Variants in TENM3 observed in about 807,000 individuals in gnomAD.
TENM3 encodes teneurin-3.
Under a neutral mutation model 255.1 loss-of-function variants are expected in TENM3, and 63 were observed. The observed-to-expected ratio is 0.25, with a 90% CI of 0.20 to 0.30. The LOEUF (loss-of-function observed/expected upper bound fraction) is 0.30, where lower values mean the gene tolerates loss of function less well. TENM3 is among the 10% of genes least tolerant of loss of function. The pLI is 1.00. For synonymous variants in TENM3, 1,306 were observed against 1,322.3 expected (o/e 0.99, Z 0.27); for missense variants, 2,929 against 3,461.1 (o/e 0.85, Z 3.86).
chr4:182,047,736 C>T, the TENM3 span, among the ~76,000 whole-genome samples: 1 of 152,016 alleles, frequency 6.6e-6, no homozygotes, highest in Non-Finnish European at 1.5e-5. Context: ...TCTTGGGTTT[C>T]AGCATCGTAT....
chr4:182,733,723 G>T (rs1396486944), intron 16 of TENM3, among the ~76,000 whole-genome samples: 3 of 152,132 alleles, frequency 2.0e-5, no homozygotes, highest in Non-Finnish European at 4.4e-5. Context: ...AACACCTCAG[G>T]GATTCATTGT....
the TENM3 span, among the ~76,000 whole-genome samples, chr4:181,913,412 C>T: frequency 7.0e-3 from 1,068 of 152,218 alleles, 10 homozygotes; most frequent in African/African-American, 0.024. Context: ...TTGCATCTTG[C>T]GGATGGAGCA....
At chr4:181,454,643 C>T in the TENM3 span, among the ~76,000 whole-genome samples, 1 of 51,330 alleles carries the variant, frequency 1.9e-5, no homozygotes, top group East Asian at 7.6e-4. Flanking sequence ...CCATTTTTTT[C>T]TGGTGTGCCT....
the TENM3 span, among the ~76,000 whole-genome samples, chr4:182,017,289 G>T: frequency 1.8e-4 from 28 of 152,370 alleles, 1 homozygote; most frequent in East Asian, 5.2e-3. Context: ...AATGCAGGAA[G>T]TTTGGTGAAG....
the TENM3 span, among the ~76,000 whole-genome samples, chr4:181,761,153 A>C: frequency 6.6e-6 from 1 of 152,060 alleles, no homozygotes; most frequent in Admixed American, 6.6e-5. Flanking sequence ...GGTTTTATTG[A>C]TCTTTTTATT....
At chr4:182,502,548 T>G (rs1736419582) in intron 3 of TENM3, among the ~76,000 whole-genome samples, 1 of 152,162 alleles carries the variant, frequency 6.6e-6, no homozygotes, top group Non-Finnish European at 1.5e-5. Flanking sequence ...ACTCATCTTT[T>G]GTTTCTGATT....
At chr4:181,728,169 C>A in the TENM3 span, among the ~76,000 whole-genome samples, 1 of 152,068 alleles carries the variant, frequency 6.6e-6, no homozygotes, top group African/African-American at 2.4e-5. Flanking sequence ...TTATTTCTAC[C>A]TGATATTAAT....
chr4:181,616,379 T>A, the TENM3 span, among the ~76,000 whole-genome samples: 1 of 146,266 alleles, frequency 6.8e-6, no homozygotes, highest in African/African-American at 2.5e-5. Context: ...GATATATATA[T>A]ATATCAATAG....
In TENM3 at chr4:182,628,596, G is replaced by T. The variant is rs1203653947; in HGVS notation, c.750-55G>T. The T allele has an allele frequency of 2.5e-6, 3 of 1,195,760 alleles. No individual in the cohort carries two copies. In the African/African-American group the frequency reaches 4.5e-5, roughly 18 times the overall value. The allele number at this position is 1,195,760 out of a possible 1,614,324, so 74.1% of individuals were successfully genotyped here. On this transcript the variant is annotated intron_variant, in intron 4 of 27. Coordinates refer to ENST00000511685, the MANE Select transcript of TENM3 (RefSeq NM_001080477.4). ...AGAGCTAAATGCATCGCTGTCTCTTGTCTCTTGTATCGTAACATATTTGTA... is the reference window on the plus strand; with the variant it reads ...AGAGCTAAATGCATCGCTGTCTCTTTTCTCTTGTATCGTAACATATTTGTA...
At chr4:181,796,988 A>G in the TENM3 span, among the ~76,000 whole-genome samples, 1 of 152,076 alleles carries the variant, frequency 6.6e-6, no homozygotes, top group South Asian at 2.1e-4. Flanking sequence ...GGGTGAGTTT[A>G]TTTCAGACGG....
chr4:182,590,753 G>A (rs1478325117), intron 3 of TENM3, among the ~76,000 whole-genome samples: 1 of 143,066 alleles, frequency 7.0e-6, no homozygotes, highest in Non-Finnish European at 1.6e-5. Flanking sequence ...TACTCGGGGG[G>A]CAGGAGAATC....
At chr4:182,452,115 T>C (rs1773511032) in intron 3 of TENM3, among the ~76,000 whole-genome samples, 1 of 152,290 alleles carries the variant, frequency 6.6e-6, no homozygotes, top group Non-Finnish European at 1.5e-5. Flanking sequence ...TACAGACATA[T>C]GTAGTTTAGA....
At chr4:182,231,657 TC>T (rs1248359590) in intron 1 of TENM3, among the ~76,000 whole-genome samples, 1 of 152,196 alleles carries the variant, frequency 6.6e-6, no homozygotes, top group Non-Finnish European at 1.5e-5. Context: ...CTCAGCTGTT[TC>T]AGGAGTGCCT....
chr4:181,501,272 T>C, the TENM3 span, among the ~76,000 whole-genome samples: 1 of 152,198 alleles, frequency 6.6e-6, no homozygotes, highest in Non-Finnish European at 1.5e-5. Flanking sequence ...ATCTGGGAGA[T>C]GTCCCAGCCT....
the TENM3 span, among the ~76,000 whole-genome samples, chr4:181,467,118 TA>T: frequency 1.5e-5 from 1 of 66,368 alleles, no homozygotes; most frequent in African/African-American, 5.3e-5. Flanking sequence ...TATATATATA[TA>T]TATATATTTT....
intron 7 of TENM3, among the ~76,000 whole-genome samples, chr4:182,677,153 A>C (rs1190425288): frequency 1.3e-5 from 2 of 152,228 alleles, no homozygotes; most frequent in Non-Finnish European, 2.9e-5. Context: ...TTTTAGTGTT[A>C]AAGTAGGGAA....
chr4:182,457,291 T>A (rs1439496401), intron 3 of TENM3, among the ~76,000 whole-genome samples: 1 of 151,760 alleles, frequency 6.6e-6, no homozygotes, highest in Non-Finnish European at 1.5e-5. Context: ...CTGAAGATAA[T>A]CTTCAAAATT....
At chr4:181,977,858 A>G in the TENM3 span, among the ~76,000 whole-genome samples, 1 of 152,184 alleles carries the variant, frequency 6.6e-6, no homozygotes, top group African/African-American at 2.4e-5. Context: ...AGAAGTAATC[A>G]GAGAGAATCA....
chr4:182,695,536 G>A (rs1427538782), intron 12 of TENM3, among the ~76,000 whole-genome samples: 2 of 152,154 alleles, frequency 1.3e-5, no homozygotes, highest in Admixed American at 6.5e-5. Context: ...ATATGCATAT[G>A]AGGTGTGAAA....
Sources: gnomAD v4.1 joint callset for allele counts (sites outside exome capture counted in the v4.1 genomes callset) on GRCh38, gnomAD v4.1.1 for gene constraint, MANE v1.5 for transcripts, NCBI Gene and HGNC (gene_info 2026-07-23, HGNC 2026-07-21) for gene names.